TDRD12: variants seen among roughly 807,000 people sequenced by gnomAD.
TDRD12 encodes putative ATP-dependent RNA helicase TDRD12.
In TDRD12, 158 loss-of-function variants were observed where a neutral mutation model predicts 133.5. The observed-to-expected ratio is 1.18, with a 90% CI of 1.04 to 1.35. TDRD12 has a LOEUF of 1.35. Among genes scored for constraint, TDRD12 ranks in the 40% most tolerant of loss-of-function variants. The probability of loss-of-function intolerance (pLI) is 0.00; values close to 1 mark genes in which losing one functional copy is unlikely to be tolerated. For missense variants in TDRD12, 1,443 were observed against 1,321.3 expected (o/e 1.09, Z -1.43); for synonymous variants, 460 against 477.9 (o/e 0.96, Z 0.49).
chr19:32,804,394 G>A (rs2145709200), intron 21 of TDRD12, among the ~76,000 whole-genome samples: 1 of 150,542 alleles, frequency 6.6e-6, no homozygotes, highest in East Asian at 2.0e-4. Flanking sequence ...GTGCTTATAG[G>A]AAATATTTGC....
chr19:32,750,922 C>T (rs1228320369), intron 6 of TDRD12, among the ~76,000 whole-genome samples: 1 of 152,186 alleles, frequency 6.6e-6, no homozygotes, highest in Non-Finnish European at 1.5e-5. Flanking sequence ...GTCAGTATGT[C>T]TAATTACTAG....
At chr19:32,772,112 C>G (rs1970458149) in intron 8 of TDRD12, among the ~76,000 whole-genome samples, 1 of 152,110 alleles carries the variant, frequency 6.6e-6, no homozygotes, top group Non-Finnish European at 1.5e-5. Flanking sequence ...GACGTGAGGG[C>G]TGGCATTAAC....
downstream of TDRD12, chr19:32,826,166 G>A (rs1199028709): frequency 9.1e-6 from 14 of 1,535,558 alleles, no homozygotes; most frequent in South Asian, 7.1e-5. Context: ...GAAAAGGTAC[G>A]TCCACTCGGC....
chr19:32,796,325 C>T (rs1488041693), intron 14 of TDRD12: 1 of 321,162 alleles, frequency 3.1e-6, no homozygotes, highest in Non-Finnish European at 4.5e-6. Flanking sequence ...CGCAGTGGCT[C>T]ATGCCTGTAA....
intron 13 of TDRD12, among the ~76,000 whole-genome samples, chr19:32,793,242 TC>T (rs1326363687): frequency 4.6e-5 from 7 of 151,954 alleles, no homozygotes; most frequent in Non-Finnish European, 1.0e-4. Flanking sequence ...CAACCAGAGG[TC>T]CTTACTCAAA....
intron 1 of TDRD12, among the ~76,000 whole-genome samples, chr19:32,723,929 C>T (rs1968774326): frequency 6.6e-6 from 1 of 152,164 alleles, no homozygotes. Flanking sequence ...GTAATCACAA[C>T]TTACTGCAAC....
chr19:32,744,513 A>AAC (rs1555763930), intron 4 of TDRD12, among the ~76,000 whole-genome samples: 5 of 150,470 alleles, frequency 3.3e-5, no homozygotes, highest in African/African-American at 7.3e-5. Flanking sequence ...AAAAAAAAAA[A>AAC]AAAAAAAAAA....
intron 11 of TDRD12, among the ~76,000 whole-genome samples, chr19:32,788,679 A>T (rs1970980229): frequency 6.6e-6 from 1 of 151,938 alleles, no homozygotes; most frequent in East Asian, 1.9e-4. Flanking sequence ...TTAAGGCTGG[A>T]GGCTTTCCTT....
At chr19:32,827,060 C>A in intron 9 of TDRD12, 104 bp from the exon 33 acceptor site, 1 of 515,644 alleles carries the variant, frequency 1.9e-6, no homozygotes, top group Non-Finnish European at 3.0e-6. Context: ...ATACATAGAG[C>A]TGGAACCCAA....
At chr19:32,818,199 G>T in intron 27 of TDRD12, 42 bp downstream of exon 27, 1 of 687,204 alleles carries the variant, frequency 1.5e-6, no homozygotes, top group Non-Finnish European at 2.7e-6. Flanking sequence ...GAATGCCAGG[G>T]ACAGGGGGCC....
chr19:32,815,233 C>T (rs1441568563), intron 25 of TDRD12, among the ~76,000 whole-genome samples: 1 of 152,132 alleles, frequency 6.6e-6, no homozygotes, highest in East Asian at 1.9e-4. Context: ...GCCCATATTT[C>T]TGTGGCATGG....
At chr19:32,827,029 C>T in intron 9 of TDRD12, 135 bp from the exon 33 acceptor site, 1 of 448,076 alleles carries the variant, frequency 2.2e-6, no homozygotes, top group Non-Finnish European at 3.7e-6. Flanking sequence ...CATTTCTTAC[C>T]TAAAATAATG....
intron 3 of TDRD12, among the ~76,000 whole-genome samples, chr19:32,740,476 G>A (rs1969388326): frequency 6.7e-6 from 1 of 149,814 alleles, no homozygotes; most frequent in African/African-American, 2.5e-5. Flanking sequence ...CATCTCCTGG[G>A]TGCTCTCTGC....
At chr19:32,772,253 G>C (rs577225280) in intron 8 of TDRD12, among the ~76,000 whole-genome samples, 14 of 152,304 alleles carry the variant, frequency 9.2e-5, no homozygotes, top group Admixed American at 3.3e-4. Flanking sequence ...TCCCCACAGC[G>C]TCATGGCTGG....
chr19:32,795,598 T>C (rs993793831), intron 14 of TDRD12, among the ~76,000 whole-genome samples: 1 of 152,150 alleles, frequency 6.6e-6, no homozygotes, highest in Admixed American at 6.5e-5. Flanking sequence ...CCACCCTGCT[T>C]CATAATCCTT....
intron 9 of TDRD12, 41 bp downstream of exon 32, chr19:32,826,790 C>G: frequency 2.5e-6 from 3 of 1,190,640 alleles, no homozygotes; most frequent in Non-Finnish European, 3.2e-6. Flanking sequence ...GTTGTAGGTT[C>G]TGAGGGCAGT....
chr19:32,815,641 T>C, intron 26 of TDRD12, 21 bp downstream of exon 26: 1 of 1,518,494 alleles, frequency 6.6e-7, no homozygotes, highest in Non-Finnish European at 8.8e-7. Context: ...TTCTGTCTCC[T>C]TTTTGGAAGA....
chr19:32,730,230 C>T (rs956459491), intron 1 of TDRD12, among the ~76,000 whole-genome samples: 1 of 152,142 alleles, frequency 6.6e-6, no homozygotes, highest in African/African-American at 2.4e-5. Context: ...AGGAATTTTA[C>T]CCTTTAATTC....
chr19:32,726,614 A>G (rs1968869850), intron 1 of TDRD12, among the ~76,000 whole-genome samples: 1 of 152,040 alleles, frequency 6.6e-6, no homozygotes, highest in Admixed American at 6.6e-5. Context: ...AGCCCAGTGC[A>G]GTGATGTGAA....
Sources: gnomAD v4.1 joint callset for allele counts (sites outside exome capture counted in the v4.1 genomes callset) on GRCh38, gnomAD v4.1.1 for gene constraint, MANE v1.5 for transcripts, NCBI Gene and HGNC (gene_info 2026-07-23, HGNC 2026-07-21) for gene names.